Variants in FUNDC1 observed in about 807,000 individuals in gnomAD.
FUNDC1 encodes the protein FUN14 domain containing 1, also known as FUN14 domain-containing protein 1.
Under a neutral mutation model 14.5 loss-of-function variants are expected in FUNDC1, and 10 were observed. That is an observed-to-expected ratio of 0.69 (90% CI 0.43 to 1.17). The LOEUF is 1.17. Among genes scored for constraint, FUNDC1 ranks in the 50% most tolerant of loss-of-function variants. The probability of loss-of-function intolerance (pLI) is 0.00; values close to 1 mark genes in which losing one functional copy is unlikely to be tolerated. For synonymous variants in FUNDC1, 33 were observed against 39.7 expected (o/e 0.83, Z 0.64); for missense variants, 115 against 113.8 (o/e 1.01, Z -0.05).
At chrX:44,538,630 C>G (rs762853106) in intron 2 of FUNDC1, 88 bp from the exon 3 acceptor site, 18 of 718,884 alleles carry the variant, frequency 2.5e-5, no homozygotes, top group Non-Finnish European at 3.8e-5. Flanking sequence ...CTAATAAAAT[C>G]TTATGTCTTT....
intron 3 of FUNDC1, among the ~76,000 whole-genome samples, chrX:44,536,275 C>T (rs996186680): frequency 3.9e-5 from 4 of 103,482 alleles, no homozygotes; most frequent in Admixed American, 3.2e-4. Flanking sequence ...GCCAAGATTG[C>T]GCCACTGCAC....
At chrX:44,538,639 T>C in intron 2 of FUNDC1, 97 bp from the exon 3 acceptor site, 1 of 667,196 alleles carries the variant, frequency 1.5e-6, no homozygotes, top group East Asian at 3.3e-5. Flanking sequence ...TCTTATGTCT[T>C]TGCATTTCTT....
intron 4 of FUNDC1, among the ~76,000 whole-genome samples, chrX:44,526,489 G>T (rs936432370): frequency 1.3e-5 from 1 of 78,797 alleles, no homozygotes; most frequent in African/African-American, 3.9e-5. Context: ...AATAAAAAAG[G>T]GGGGGGGGCG....
chrX:44,531,765 A>AACACACACACAC lies in FUNDC1; in HGVS notation c.262-4412_262-4401dup, dbSNP rs143142516. Among the ~76,000 whole-genome samples the AACACACACACAC allele has an allele frequency of 3.4e-3, 298 of 87,388 alleles. 3 individuals are homozygous for AACACACACACAC. The highest frequency in any genetic ancestry group is 0.025 in the East Asian group (65 of 2,559). 75.9% of individuals were successfully genotyped at this position (87,388 alleles called of 115,157 possible). Reference sequence around the variant, plus strand: ...AGGGACTTGGTAGGAAGAAGCTTAAAACACACACACACACACACACACACA... The same window carrying AACACACACACAC: ...AGGGACTTGGTAGGAAGAAGCTTAAAACACACACACACACACACACACACACACACACACACA... On this transcript the variant is annotated intron_variant, in intron 3 of 4. Coordinates refer to ENST00000378045, the MANE Select transcript of FUNDC1 (RefSeq NM_173794.4).
Position 44,538,457 on chromosome X carries a change from T to C in FUNDC1, c.261+10A>G, listed in dbSNP as rs1210431112. On this transcript the variant is annotated intron_variant, in intron 3 of 4. Coordinates refer to ENST00000378045, the MANE Select transcript of FUNDC1 (RefSeq NM_173794.4). ...GAAAGCAAAGGCAAGTGCTTAAAGC[T>C]CTGACATACCTGAAGAAGAAGAAAG... 14 of 1,192,213 alleles carry C rather than the reference T, an allele frequency of 1.2e-5. No homozygotes were observed. The highest frequency in any genetic ancestry group is 1.8e-5 in the African/African-American group (1 of 56,862).
intron 2 of FUNDC1, among the ~76,000 whole-genome samples, chrX:44,538,833 A>T (rs769623716): frequency 1.8e-5 from 2 of 111,787 alleles, no homozygotes; most frequent in Admixed American, 1.9e-4. Flanking sequence ...TCAGGGGTTC[A>T]TTATATTCCT....
Position 44,533,395 on chromosome X carries a change from C to G in FUNDC1, c.261+5072G>C, listed in dbSNP as rs184396634. On this transcript the variant is annotated intron_variant, in intron 3 of 4. Transcript: ENST00000378045. Reference sequence around the variant, plus strand: ...CTGCAATCCCAGCACTTTGGGAGGCCGAGGCAGGCAGATCATGAGGTCAGG... The same window carrying G: ...CTGCAATCCCAGCACTTTGGGAGGCGGAGGCAGGCAGATCATGAGGTCAGG... Among the ~76,000 whole-genome samples the G allele has an allele frequency of 3.2e-3, 346 of 109,670 alleles. 1 individual carries two copies. Among genetic ancestry groups the G allele is most frequent in the African/African-American group, 0.011 (323 of 30,144 alleles).
intron 3 of FUNDC1, among the ~76,000 whole-genome samples, chrX:44,538,028 C>A (rs1334177212): frequency 8.9e-6 from 1 of 112,502 alleles, no homozygotes; most frequent in African/African-American, 3.2e-5. Flanking sequence ...GTTGCCCAGG[C>A]GGGAGTGCAA....
At position 44,523,752 on chromosome X, in the gene FUNDC1, A is replaced by C. The variant is rs188229974; in HGVS notation, c.*446T>G. 8 of 111,942 alleles carry C rather than the reference A, an allele frequency of 7.1e-5. No homozygotes were observed. In the East Asian group the frequency reaches 2.2e-3, roughly 31 times the overall value. 9.2% of individuals were successfully genotyped at this position (111,942 alleles called of 1,213,427 possible). ...CTTATTGCAAACATATCTTAAAAAAAAAAAGTCAGCCTTAATACTGAAACT... is the reference window on the plus strand; with the variant it reads ...CTTATTGCAAACATATCTTAAAAAACAAAAGTCAGCCTTAATACTGAAACT... On this transcript the variant is annotated 3_prime_UTR_variant, in exon 5 of 5. Transcript: ENST00000378045.
At chrX:44,536,316 C>T (rs1231256441) in intron 3 of FUNDC1, among the ~76,000 whole-genome samples, 1 of 88,006 alleles carries the variant, frequency 1.1e-5, no homozygotes, top group Non-Finnish European at 2.2e-5. Flanking sequence ...GAGACTCTGT[C>T]TCGAAAAAAA....
intron 3 of FUNDC1, 96 bp downstream of exon 3, chrX:44,538,371 T>C: frequency 6.5e-6 from 4 of 615,576 alleles, no homozygotes; most frequent in Middle Eastern, 3.3e-4. Context: ...AAAGTCAGCT[T>C]CCAAAACTCA....
At chrX:44,532,274 T>C (rs777770462) in intron 3 of FUNDC1, among the ~76,000 whole-genome samples, 2 of 108,336 alleles carry the variant, frequency 1.8e-5, no homozygotes, top group South Asian at 4.1e-4. Context: ...GCGCCTGTAA[T>C]TGCAGCTACT....
intron 3 of FUNDC1, among the ~76,000 whole-genome samples, chrX:44,531,329 C>CAG (rs2038924531): frequency 1.5e-5 from 1 of 66,942 alleles, no homozygotes; most frequent in Non-Finnish European, 2.5e-5. Context: ...CACACACACA[C>CAG]ACACACACAC....
In FUNDC1 at chrX:44,527,250, T is replaced by C. The variant is rs753707606; in HGVS notation, c.377A>G (p.Asn126Ser). 3.0e-5 allele frequency: 35 copies of C among 1,170,738 alleles called. No individual in the cohort carries two copies. The South Asian group carries it at 6.5e-4, about 22-fold the overall frequency. Residue 126 changes from asparagine to serine, a missense_variant, in exon 4 of 5, where the codon AAT becomes AGT. Coordinates refer to ENST00000378045, the MANE Select transcript of FUNDC1 (RefSeq NM_173794.4). ...ATATCATCTTACTTCTTCAATTAAA[T>C]TGTTGATTTCAGGTGCTGCTTTGTT... Reference protein sequence around the residue: ...RANKAAPEINNLIEEATEFIK... With the variant: ...RANKAAPEINSLIEEATEFIK...
At chrX:44,539,299 T>A (rs919013955) in intron 2 of FUNDC1, among the ~76,000 whole-genome samples, 16 of 111,823 alleles carry the variant, frequency 1.4e-4, no homozygotes, top group African/African-American at 5.2e-4. Flanking sequence ...CTGCACTGGG[T>A]TGAATGGTGT....
At chrX:44,532,518 T>G (rs1254464568) in intron 3 of FUNDC1, among the ~76,000 whole-genome samples, 1 of 101,172 alleles carries the variant, frequency 9.9e-6, no homozygotes, top group East Asian at 3.0e-4. Flanking sequence ...TCAAGAGGCT[T>G]AAATATATAT....
At chrX:44,540,414 T>TTGTGTGTGTGTG (rs367975882) in intron 2 of FUNDC1, among the ~76,000 whole-genome samples, 27 of 96,667 alleles carry the variant, frequency 2.8e-4, no homozygotes, top group African/African-American at 7.3e-4. Context: ...AATGTGTGTG[T>TTGTGTGTGTGTG]TGTGTGTGTG....
intron 3 of FUNDC1, 31 bp from the exon 4 acceptor site, chrX:44,527,396 C>G: frequency 9.3e-7 from 1 of 1,079,720 alleles, no homozygotes; most frequent in Non-Finnish European, 1.2e-6. Flanking sequence ...ATTATCAATA[C>G]TATACCAACT....
At chrX:44,538,424 C>A (rs772111964) in intron 3 of FUNDC1, 43 bp downstream of exon 3, 29 of 1,025,815 alleles carry the variant, frequency 2.8e-5, no homozygotes, top group Non-Finnish European at 5.4e-6. Flanking sequence ...AAAAATTCCA[C>A]CTTCTATGAA....
Sources: gnomAD v4.1 joint callset for allele counts (sites outside exome capture counted in the v4.1 genomes callset) on GRCh38, gnomAD v4.1.1 for gene constraint, MANE v1.5 for transcripts, NCBI Gene and HGNC (gene_info 2026-07-23, HGNC 2026-07-21) for gene names.